Variants in ITFG1 observed in about 807,000 individuals in gnomAD.
The protein encoded by ITFG1 is T-cell immunomodulatory protein.
A neutral mutation model predicts 81.8 loss-of-function variants in ITFG1; 34 were observed. The observed-to-expected ratio is 0.42, with a 90% CI of 0.32 to 0.55. The LOEUF (loss-of-function observed/expected upper bound fraction) is 0.55, where lower values mean the gene tolerates loss of function less well. Ranked by LOEUF, ITFG1 falls within the 20% of genes least tolerant of loss-of-function variation. ITFG1 has a pLI of 0.17. For missense variants in ITFG1, 672 were observed against 755.4 expected (o/e 0.89, Z 1.29); for synonymous variants, 285 against 270.6 (o/e 1.05, Z -0.52).
intron 12 of ITFG1, among the ~76,000 whole-genome samples, chr16:47,240,429 G>T (rs1473991787): frequency 2.7e-5 from 4 of 150,730 alleles, no homozygotes; most frequent in Admixed American, 2.6e-4. Flanking sequence ...AATAATAAAA[G>T]AACTCTTAAA....
intron 10 of ITFG1, among the ~76,000 whole-genome samples, chr16:47,307,142 T>A (rs758607321): frequency 7.6e-6 from 1 of 132,012 alleles, no homozygotes. Context: ...GAAGCCTTTA[T>A]CAAGTCTGAT....
chr16:47,349,544 A>T (rs1031935697), intron 8 of ITFG1, among the ~76,000 whole-genome samples: 5 of 152,168 alleles, frequency 3.3e-5, no homozygotes, highest in Non-Finnish European at 7.4e-5. Flanking sequence ...ATACAGGAGC[A>T]CCCAGATTCA....
At chr16:47,191,129 G>A (rs1410611259) in intron 14 of ITFG1, among the ~76,000 whole-genome samples, 2 of 152,176 alleles carry the variant, frequency 1.3e-5, no homozygotes, top group Non-Finnish European at 2.9e-5. Context: ...GGCCATTAGT[G>A]TAGCATTTTA....
At chr16:47,367,143 T>C (rs974314388) in intron 7 of ITFG1, among the ~76,000 whole-genome samples, 3 of 152,124 alleles carry the variant, frequency 2.0e-5, no homozygotes, top group African/African-American at 4.8e-5. Flanking sequence ...ATAGAGGATA[T>C]TACAAAGGAT....
At chr16:47,185,282 T>G (rs1965195637) in intron 14 of ITFG1, among the ~76,000 whole-genome samples, 1 of 152,216 alleles carries the variant, frequency 6.6e-6, no homozygotes, top group Non-Finnish European at 1.5e-5. Flanking sequence ...GCGGACCTAA[T>G]AGACAGCTAC....
chr16:47,185,315 C>G (rs964168395), intron 14 of ITFG1, among the ~76,000 whole-genome samples: 1 of 152,188 alleles, frequency 6.6e-6, no homozygotes, highest in African/African-American at 2.4e-5. Flanking sequence ...CCCAAATCAA[C>G]AGAATATACA....
intron 2 of ITFG1, among the ~76,000 whole-genome samples, chr16:47,458,745 C>T (rs753663593): frequency 5.3e-5 from 8 of 151,992 alleles, no homozygotes; most frequent in Non-Finnish European, 1.0e-4. Context: ...GCCCCTCTTC[C>T]ACAAAACACA....
At position 47,334,104 on chromosome 16, in the gene ITFG1, A is replaced by G. The variant is rs138153526; in HGVS notation, c.803-20281T>C. On this transcript the variant is annotated intron_variant, in intron 8 of 17. Coordinates refer to ENST00000320640, the MANE Select transcript of ITFG1 (RefSeq NM_030790.5). The stretch of plus-strand genomic sequence containing the variant: ...TTAATCATTGATTTTGCTAAATACA[A>G]TGAAATCCATGAATGTTACTCTCAT... Among the ~76,000 whole-genome samples, 538 of 152,338 alleles carry G rather than the reference A, an allele frequency of 3.5e-3. 2 individuals are homozygous for G. Among genetic ancestry groups the G allele is most frequent in the African/African-American group, 0.012 (504 of 41,582 alleles).
At chr16:47,211,284 T>C (rs1028878588) in intron 14 of ITFG1, among the ~76,000 whole-genome samples, 1 of 152,220 alleles carries the variant, frequency 6.6e-6, no homozygotes, top group Non-Finnish European at 1.5e-5. Flanking sequence ...TTTGAGTGAT[T>C]GAGAATAGAA....
intron 10 of ITFG1, among the ~76,000 whole-genome samples, chr16:47,273,041 T>G (rs1428363922): frequency 6.6e-6 from 1 of 151,686 alleles, no homozygotes; most frequent in African/African-American, 2.4e-5. Context: ...GCAACTGTCT[T>G]ACTTCTCATT....
At chr16:47,273,549 C>A (rs1004355600) in intron 10 of ITFG1, among the ~76,000 whole-genome samples, 3 of 152,086 alleles carry the variant, frequency 2.0e-5, no homozygotes, top group Non-Finnish European at 4.4e-5. Context: ...TATCTCTGGG[C>A]AAATGCAATC....
rs1392796843 is a variant in ITFG1 at position 47,155,024 on chromosome 16, T to C, written c.*695A>G. The C allele has an allele frequency of 6.6e-6, 1 of 152,234 alleles. No homozygotes were observed. Among genetic ancestry groups the C allele is most frequent in the East Asian group, 1.9e-4 (1 of 5,200 alleles). 9.4% of individuals were successfully genotyped at this position (152,234 alleles called of 1,614,324 possible). Reference sequence around the variant, plus strand: ...TGACAACTACCACATATTGACCACTTACTCTGTGCTAGGCACCAAGCTAAG... The same window carrying C: ...TGACAACTACCACATATTGACCACTCACTCTGTGCTAGGCACCAAGCTAAG... On this transcript the variant is annotated 3_prime_UTR_variant, in exon 18 of 18. Coordinates refer to ENST00000320640, the MANE Select transcript of ITFG1 (RefSeq NM_030790.5).
intron 14 of ITFG1, among the ~76,000 whole-genome samples, chr16:47,176,953 CT>C (rs746522529): frequency 3.5e-3 from 476 of 135,148 alleles, no homozygotes; most frequent in Admixed American, 3.6e-3. Context: ...TCTTCTTCTT[CT>C]TTTTTTTTTT....
chr16:47,461,097 C>G, upstream of ITFG1: 1 of 1,443,556 alleles, frequency 6.9e-7, no homozygotes, highest in Non-Finnish European at 9.2e-7. Context: ...TGACGACAGC[C>G]GCAAAGCACC....
intron 12 of ITFG1, among the ~76,000 whole-genome samples, chr16:47,243,853 A>G (rs955886163): frequency 5.3e-5 from 8 of 152,170 alleles, no homozygotes; most frequent in Non-Finnish European, 1.0e-4. Context: ...CAACATGGTG[A>G]AACTCCGTTT....
Position 47,237,985 on chromosome 16 carries a change from C to T in ITFG1, c.1354G>A (p.Asp452Asn). ...VIVLSGLCSN[D>N]CPRKITPFGV... ...CTTACTGTTATCTTACGAGGACAGT[C>T]ATTAGAACACAGACCACTAAGAACT... The change falls in exon 13 of 18, where the codon GAC (aspartate) becomes AAC (asparagine). Residue 452 changes from aspartate to asparagine, a missense_variant. Physicochemically the swap from Asp to Asn is conservative, Grantham distance 23. This residue lies in a region of ITFG1 where 560 missense variants were observed against 625.7 expected (regional missense o/e 0.90). Transcript: ENST00000320640. 6.8e-7 allele frequency: 1 copy of T among 1,465,974 alleles called. No homozygotes were observed. Among genetic ancestry groups the T allele is most frequent in the Non-Finnish European group, 9.3e-7 (1 of 1,076,330 alleles). The allele number at this position is 1,465,974 out of a possible 1,614,324, so 90.8% of individuals were successfully genotyped here.
intron 12 of ITFG1, among the ~76,000 whole-genome samples, chr16:47,244,301 T>C (rs1457626033): frequency 6.6e-6 from 1 of 152,164 alleles, no homozygotes; most frequent in Non-Finnish European, 1.5e-5. Context: ...CATGGCCAGT[T>C]AGTCAGAAGT....
chr16:47,420,530 G>A (rs1046556912), intron 6 of ITFG1, among the ~76,000 whole-genome samples: 1 of 152,196 alleles, frequency 6.6e-6, no homozygotes, highest in Non-Finnish European at 1.5e-5. Context: ...GGCCTAAGAG[G>A]AAGCGTGAGG....
chr16:47,176,561 A>G (rs1027236565), intron 14 of ITFG1, among the ~76,000 whole-genome samples: 2 of 152,224 alleles, frequency 1.3e-5, no homozygotes, highest in Non-Finnish European at 2.9e-5. Context: ...CCTCTTACTA[A>G]CTAGCATGTA....
Sources: gnomAD v4.1 joint callset for allele counts (sites outside exome capture counted in the v4.1 genomes callset) on GRCh38, gnomAD v4.1.1 for gene constraint, gnomAD v4.1.1 regional missense constraint, MANE v1.5 for transcripts, NCBI Gene and HGNC (gene_info 2026-07-23, HGNC 2026-07-21) for gene names.